Variants in TLE2 observed in about 807,000 individuals in gnomAD.
TLE2 encodes transducin-like enhancer protein 2.
Under a neutral mutation model 97.2 loss-of-function variants are expected in TLE2, and 74 were observed. The ratio of observed to expected loss-of-function variants is 0.76; its 90% CI spans 0.63 to 0.92. TLE2 has a LOEUF of 0.92. Among genes scored for constraint, TLE2 ranks in the 40% least tolerant of loss-of-function variants. TLE2 has a pLI of 0.00. For synonymous variants in TLE2, 499 were observed against 432.1 expected, an observed-to-expected ratio of 1.15 and a Z score of -1.92; for missense variants, 1,038 against 1,008.7, an observed-to-expected ratio of 1.03 and a Z score of -0.39.
upstream of TLE2, among the ~76,000 whole-genome samples, chr19:3,033,220 T>A (rs1298460745): frequency 8.6e-5 from 13 of 151,754 alleles, no homozygotes; most frequent in Admixed American, 8.5e-4. Context: ...CAGGCTGGAG[T>A]GCAGTGGTGC....
chr19:3,024,999 C>G, intron 5 of TLE2, 21 bp downstream of exon 5: 3 of 1,576,572 alleles, frequency 1.9e-6, no homozygotes, highest in Non-Finnish European at 2.6e-6. Flanking sequence ...CCCTCCTCCC[C>G]CCACCCCCAG....
intron 11 of TLE2, among the ~76,000 whole-genome samples, chr19:3,011,777 G>C (rs549424729): frequency 6.6e-6 from 1 of 152,140 alleles, no homozygotes; most frequent in East Asian, 1.9e-4. Context: ...TTGAACCCGG[G>C]AGGCAGAGGT....
chr19:3,006,000 G>A (rs1383310389), intron 15 of TLE2, 32 bp from the exon 16 acceptor site: 1 of 1,608,362 alleles, frequency 6.2e-7, no homozygotes, highest in East Asian at 2.2e-5. Context: ...GGGGCTGGGG[G>A]TTGGTCCCAG....
intron 2 of TLE2, 24 bp from the exon 3 acceptor site, chr19:3,028,406 G>A (rs760730993): frequency 6.3e-7 from 1 of 1,585,234 alleles, no homozygotes; most frequent in Non-Finnish European, 8.6e-7. Context: ...AGAGGGCAAG[G>A]GGCTCCCACC....
upstream of TLE2, chr19:3,029,574 CGGGGAGCGGG>C: frequency 2.4e-6 from 1 of 424,060 alleles, no homozygotes; most frequent in Non-Finnish European, 3.0e-6. Flanking sequence ...GGGGGGCTTG[CGGGGAGCGGG>C]GACCAGTCTG....
Position 3,011,176 on chromosome 19 carries a change from A to C in TLE2, c.874-16T>G. 6.4e-7 allele frequency: 1 copy of C among 1,561,878 alleles called. No individual in the cohort carries two copies. The highest frequency in any genetic ancestry group is 8.7e-7 in the Non-Finnish European group (1 of 1,154,144). On this transcript the variant is annotated splice_polypyrimidine_tract_variant and intron_variant, in intron 11 of 19. Transcript: ENST00000262953. ...GAAGGTCATTCTGCAGAGAAAGGGC[A>C]GGACTGAAGGCCACCAGGCACCTGG...
At chr19:3,009,209 C>T (rs1298825171) in intron 13 of TLE2, among the ~76,000 whole-genome samples, 1 of 152,198 alleles carries the variant, frequency 6.6e-6, no homozygotes, top group Admixed American at 6.5e-5. Flanking sequence ...CCCAGACTGG[C>T]TCTAGGCCAG....
chr19:3,031,843 T>G (rs920024094), upstream of TLE2, among the ~76,000 whole-genome samples: 2 of 151,252 alleles, frequency 1.3e-5, no homozygotes, highest in Non-Finnish European at 3.0e-5. Flanking sequence ...TTTCAACAGC[T>G]TCTGCCCACC....
intron 1 of TLE2, among the ~76,000 whole-genome samples, chr19:3,037,831 T>C (rs1205994403): frequency 6.6e-6 from 1 of 152,082 alleles, no homozygotes; most frequent in African/African-American, 2.4e-5. Context: ...CTTACAATAA[T>C]GCATAGTAGG....
chr19:3,019,660 G>T lies in TLE2; in HGVS notation c.369+39C>A. 1 of 1,593,898 alleles carries T rather than the reference G, an allele frequency of 6.3e-7. No homozygotes were observed. The highest frequency in any genetic ancestry group is 8.5e-7 in the Non-Finnish European group (1 of 1,170,382). ...GTGGGTGCCAGGGACCTGGGAGTGG[G>T]CGTCTCCCCATGGCGGGGCAGGGGC... On this transcript the variant is annotated intron_variant, in intron 6 of 19. Transcript: ENST00000262953. This position sits in a 1 kb window ranked among gnomAD's most constrained non-coding sequence, Gnocchi z 5.1.
At chr19:3,045,874 G>T (rs2090137795), upstream of TLE2, 1 of 336,250 alleles carries the variant, frequency 3.0e-6, no homozygotes, top group Non-Finnish European at 6.2e-6. Context: ...TCCTGCATTT[G>T]AATCCAGATT....
Position 2,997,707 on chromosome 19 carries a change from G to C in TLE2, c.*141C>G, listed in dbSNP as rs1202026013. On this transcript the variant is annotated 3_prime_UTR_variant, in exon 20 of 20. Coordinates refer to ENST00000262953, the MANE Select transcript of TLE2 (RefSeq NM_003260.5). ...CCATCGGCCCCCACATGCAGCAGGG[G>C]AAGGTGTGAAGCCGTTGGCCAGAGA... 1.6e-6 allele frequency: 1 copy of C among 624,196 alleles called. No individual in the cohort carries two copies. The highest frequency in any genetic ancestry group is 2.6e-5 in the Admixed American group (1 of 38,794). The allele number at this position is 624,196 out of a possible 1,614,324, so 38.7% of individuals were successfully genotyped here. A position where few individuals can be genotyped will look rare whatever the true frequency, so the allele number is the denominator to read the frequency against.
intron 19 of TLE2, among the ~76,000 whole-genome samples, chr19:3,000,040 AAAG>A (rs1159207070): frequency 2.0e-5 from 3 of 151,496 alleles, no homozygotes; most frequent in Admixed American, 6.6e-5. Flanking sequence ...CTCCAAAAAA[AAAG>A]AAGAAATGAG....
intron 1 of TLE2, among the ~76,000 whole-genome samples, chr19:3,044,771 G>A (rs1377238957): frequency 6.6e-6 from 1 of 152,180 alleles, no homozygotes; most frequent in Non-Finnish European, 1.5e-5. Context: ...CCTACTGTGT[G>A]CCAGGCATGA....
upstream of TLE2, chr19:3,047,518 A>G (rs1484854637): frequency 1.7e-5 from 2 of 117,298 alleles, no homozygotes; most frequent in South Asian, 5.2e-4. Flanking sequence ...ACCCCCCCCC[A>G]GGCATCCTTC....
At chr19:2,999,494 A>C (rs565723831) in intron 19 of TLE2, among the ~76,000 whole-genome samples, 1 of 151,954 alleles carries the variant, frequency 6.6e-6, no homozygotes, top group South Asian at 2.1e-4. Context: ...TTGGGAGGCC[A>C]AGGCGGGTGG....
chr19:3,015,790 A>C, intron 8 of TLE2, 30 bp from the exon 9 acceptor site: 1 of 1,526,024 alleles, frequency 6.6e-7, no homozygotes. Context: ...GGGGGGAGAA[A>C]GGGTCAGGGC....
rs568244673 is a variant in TLE2, at chr19:3,023,712, G to A, written c.294+1308C>T. 2.6e-5 allele frequency among the ~76,000 whole-genome samples: 4 copies of A among 151,942 alleles called. No individual in the cohort carries two copies. In the South Asian group the frequency reaches 6.3e-4, roughly 24 times the overall value. Reference sequence around the variant, plus strand: ...GTTCGAGACCAGCCCGGGCAACATAGGGAGACCCGTCTCTACTAAAAATAC... The same window carrying A: ...GTTCGAGACCAGCCCGGGCAACATAAGGAGACCCGTCTCTACTAAAAATAC... On this transcript the variant is annotated intron_variant, in intron 5 of 19. Coordinates refer to ENST00000262953, the MANE Select transcript of TLE2 (RefSeq NM_003260.5).
rs774162974 is a variant in TLE2, at chr19:3,002,326, C to T, written c.2047+27G>A. ...CTGGGTTTTGTTGGGGTTTTGAGGG[C>T]GTGCCACCCCGCCCCAGAAGACACA... On this transcript the variant is annotated intron_variant, in intron 18 of 19. Transcript: ENST00000262953. 1.5e-5 allele frequency: 23 copies of T among 1,576,778 alleles called. No homozygotes were observed. In the South Asian group the frequency reaches 1.7e-4, roughly 12 times the overall value.
Sources: allele counts gnomAD v4.1 joint callset (sites outside exome capture counted in the v4.1 genomes callset), GRCh38; gene constraint gnomAD v4.1.1; non-coding constraint Gnocchi (gnomAD v3.1); transcripts MANE v1.5; gene names NCBI Gene and HGNC (gene_info 2026-07-23, HGNC 2026-07-21).